Variants in SLC6A5 observed in about 807,000 individuals in gnomAD.
SLC6A5 encodes sodium- and chloride-dependent glycine transporter 2.
In SLC6A5, 58 loss-of-function variants were observed where a neutral mutation model predicts 90.5. That is an observed-to-expected ratio of 0.64 (90% CI 0.52 to 0.80). The LOEUF is 0.80. SLC6A5 is among the 30% of genes least tolerant of loss of function. The pLI is 0.00. For missense variants in SLC6A5, 1,015 were observed against 1,017.6 expected (o/e 1.00, Z 0.03); for synonymous variants, 427 against 401.4 (o/e 1.06, Z -0.76).
intron 1 of SLC6A5, 116 bp downstream of exon 1, chr11:20,599,791 G>A (rs527994245): frequency 2.5e-6 from 3 of 1,191,760 alleles, no homozygotes; most frequent in Non-Finnish European, 3.7e-6. Flanking sequence ...GGGAAAGGGG[G>A]CGACGAGGAG....
Position 20,630,837 on chromosome 11 carries a change from G to C in SLC6A5, c.1624+22G>C, listed in dbSNP as rs760314444. 34 of 1,613,540 alleles carry C rather than the reference G, an allele frequency of 2.1e-5. 1 individual carries two copies. The South Asian group carries it at 3.7e-4, about 18-fold the overall frequency. On this transcript the variant is annotated intron_variant, in intron 10 of 15. Transcript: ENST00000525748. ...CAAGGTACAGGACAGTTGTTACCCT[G>C]CTGTTGCAGGGCAGGTCCCAGGCTC...
chr11:20,641,699 G>A (rs1395495032), intron 13 of SLC6A5, among the ~76,000 whole-genome samples: 1 of 152,156 alleles, frequency 6.6e-6, no homozygotes, highest in Non-Finnish European at 1.5e-5. Context: ...TTAGGAATGA[G>A]AGGCTTTAGC....
chr11:20,640,929 T>C (rs951167901), intron 13 of SLC6A5, among the ~76,000 whole-genome samples: 1 of 152,228 alleles, frequency 6.6e-6, no homozygotes, highest in Non-Finnish European at 1.5e-5. Flanking sequence ...GTTTTCTTCT[T>C]GTTTCTAATA....
intron 9 of SLC6A5, among the ~76,000 whole-genome samples, chr11:20,628,826 A>G (rs1379396228): frequency 6.6e-6 from 1 of 152,186 alleles, no homozygotes; most frequent in African/African-American, 2.4e-5. Context: ...TTGAAAATCT[A>G]GATTCATATC....
At position 20,633,957 on chromosome 11, in the gene SLC6A5, T is replaced by A. The variant is rs4488192; in HGVS notation, c.1625-2350T>A. Among the ~76,000 whole-genome samples the A allele has an allele frequency of 0.03, 4,638 of 152,226 alleles. 458 individuals are homozygous for A. In the East Asian group the frequency reaches 0.38, roughly 12 times the overall value. ...TGCCATCTTGGCTCACTGCAACTTCTGCCTCCCGGGTTCACACCATTCTCC... is the reference window on the plus strand; with the variant it reads ...TGCCATCTTGGCTCACTGCAACTTCAGCCTCCCGGGTTCACACCATTCTCC... On this transcript the variant is annotated intron_variant, in intron 10 of 15. Coordinates refer to ENST00000525748, the MANE Select transcript of SLC6A5 (RefSeq NM_004211.5).
At chr11:20,601,695 T>C in intron 2 of SLC6A5, 30 bp downstream of exon 2, 1 of 1,601,592 alleles carries the variant, frequency 6.2e-7, no homozygotes, top group East Asian at 2.3e-5. Flanking sequence ...GCCCGCACAG[T>C]GTCCTGCTCT....
rs370475042 is a variant in SLC6A5, at chr11:20,654,899, C to G, written c.*31C>G. On this transcript the variant is annotated 3_prime_UTR_variant, in exon 16 of 16. Transcript: ENST00000525748. ...TGGTGTGGGATGGTCCAGACTTGAT[C>G]CTGTTTTTCCTCTCTGCCTCCTCCT... The G allele has an allele frequency of 2.1e-5, 33 of 1,608,868 alleles. No individual in the cohort carries two copies. The highest frequency in any genetic ancestry group is 1.7e-4 in the African/African-American group (13 of 74,794).
chr11:20,629,427 T>C (rs1281964052), intron 9 of SLC6A5, among the ~76,000 whole-genome samples: 1 of 152,210 alleles, frequency 6.6e-6, no homozygotes, highest in East Asian at 1.9e-4. Flanking sequence ...TGGAATAATG[T>C]CTTAGTTTGT....
chr11:20,640,606 G>A (rs1439703953), intron 13 of SLC6A5, among the ~76,000 whole-genome samples: 1 of 151,954 alleles, frequency 6.6e-6, no homozygotes, highest in Non-Finnish European at 1.5e-5. Flanking sequence ...CTGCAGTGTC[G>A]GATGTGGGTG....
chr11:20,645,290 G>T (rs558835459), intron 13 of SLC6A5, among the ~76,000 whole-genome samples: 2 of 152,214 alleles, frequency 1.3e-5, no homozygotes, highest in East Asian at 3.9e-4. Flanking sequence ...GATAAGTGGG[G>T]ACTGAGGTGG....
chr11:20,634,968 TG>T (rs1365838038), intron 10 of SLC6A5, among the ~76,000 whole-genome samples: 1 of 152,160 alleles, frequency 6.6e-6, no homozygotes, highest in Non-Finnish European at 1.5e-5. Flanking sequence ...TAGCTACCTT[TG>T]ATTACAGTAA....
chr11:20,652,113 C>T (rs1274574209), intron 14 of SLC6A5, among the ~76,000 whole-genome samples, 176 bp from the exon 15 acceptor site: 1 of 152,130 alleles, frequency 6.6e-6, no homozygotes, highest in Non-Finnish European at 1.5e-5. Context: ...TATATCATTT[C>T]CATCTCTTTG....
intron 9 of SLC6A5, among the ~76,000 whole-genome samples, chr11:20,628,777 T>A: frequency 6.6e-6 from 1 of 152,196 alleles, no homozygotes; most frequent in South Asian, 2.1e-4. Flanking sequence ...TTATTAGAAA[T>A]GAGGCTGTGG....
At position 20,617,809 on chromosome 11, in the gene SLC6A5, A is replaced by C. The variant is rs753171850; in HGVS notation, c.1185A>C (p.Pro395=). 3.7e-6 allele frequency: 6 copies of C among 1,614,214 alleles called. No homozygotes were observed. In the South Asian group the frequency reaches 6.6e-5, roughly 18 times the overall value. The change falls in exon 7 of 16, where the codon CCA becomes CCC. Residue 395 remains proline, a synonymous_variant. Coordinates refer to ENST00000525748, the MANE Select transcript of SLC6A5 (RefSeq NM_004211.5). The part of the protein sequence containing the change: ...GIEYPGEIRW[P]LALCLFLAWV... The stretch of plus-strand genomic sequence containing the variant: ...AATATCCTGGCGAGATCAGGTGGCC[A>C]CTAGCTCTCTGCCTCTTCCTGGCTT...
At chr11:20,647,201 A>G (rs1481149969) in intron 14 of SLC6A5, among the ~76,000 whole-genome samples, 1 of 124,240 alleles carries the variant, frequency 8.0e-6, no homozygotes, top group Admixed American at 9.1e-5. Context: ...ATTTCCCATT[A>G]TATCAGTTCC....
intron 13 of SLC6A5, among the ~76,000 whole-genome samples, chr11:20,641,352 C>T (rs2133813578): frequency 6.6e-6 from 1 of 152,206 alleles, no homozygotes; most frequent in East Asian, 1.9e-4. Flanking sequence ...TTTCACATTC[C>T]ACCTCCCAGA....
chr11:20,600,330 GA>G (rs1852434652), intron 1 of SLC6A5, among the ~76,000 whole-genome samples: 14 of 111,482 alleles, frequency 1.3e-4, no homozygotes, highest in Admixed American at 7.9e-4. Context: ...CAAAAAAGAA[GA>G]AGAGGAAGAA....
chr11:20,655,134 G>A lies in SLC6A5; in HGVS notation c.*266G>A. On this transcript the variant is annotated 3_prime_UTR_variant, in exon 16 of 16. Coordinates refer to ENST00000525748, the MANE Select transcript of SLC6A5 (RefSeq NM_004211.5). ...GTCCCCTGACCACACGTTTTACCCTGCAGAGGAGGATCAGTTAGGTGAGCA... is the reference window on the plus strand; with the variant it reads ...GTCCCCTGACCACACGTTTTACCCTACAGAGGAGGATCAGTTAGGTGAGCA... The A allele has an allele frequency of 2.1e-6, 1 of 469,008 alleles. No individual in the cohort carries two copies. The highest frequency in any genetic ancestry group is 3.1e-5 in the Admixed American group (1 of 32,670). 29.1% of individuals were successfully genotyped at this position (469,008 alleles called of 1,614,324 possible). A position where few individuals can be genotyped will look rare whatever the true frequency, so the allele number is the denominator to read the frequency against.
intron 3 of SLC6A5, among the ~76,000 whole-genome samples, chr11:20,605,750 G>T (rs572810721): frequency 9.9e-5 from 15 of 152,206 alleles, no homozygotes; most frequent in Non-Finnish European, 2.2e-4. Flanking sequence ...CAGGCTCTGT[G>T]ATGCGAGGCA....
Sources: gnomAD v4.1 joint callset for allele counts (sites outside exome capture counted in the v4.1 genomes callset) on GRCh38, gnomAD v4.1.1 for gene constraint, MANE v1.5 for transcripts, NCBI Gene and HGNC (gene_info 2026-07-23, HGNC 2026-07-21) for gene names.